Variants in MTRF1 observed in about 807,000 individuals in gnomAD.
The protein encoded by MTRF1 is mitochondrial translation release factor 1.
A neutral mutation model predicts 62.9 loss-of-function variants in MTRF1; 51 were observed. The ratio of observed to expected loss-of-function variants is 0.81; its 90% CI spans 0.65 to 1.02. The LOEUF is 1.02. Ranked by LOEUF, MTRF1 falls within the 50% of genes least tolerant of loss-of-function variation. MTRF1 has a pLI of 0.00. For synonymous variants in MTRF1, 158 were observed against 181.9 expected (o/e 0.87, Z 1.06); for missense variants, 446 against 530.0 (o/e 0.84, Z 1.56).
chr13:41,248,771 C>A (rs1373884594), intron 5 of MTRF1, among the ~76,000 whole-genome samples: 1 of 152,184 alleles, frequency 6.6e-6, no homozygotes, highest in African/African-American at 2.4e-5. Context: ...TATAAACATT[C>A]ATCAGTCGAG....
chr13:41,260,898 GA>G lies in MTRF1; in HGVS notation c.9del (p.His4ThrfsTer50). The stretch of plus-strand genomic sequence containing the variant: ...TGTCTAAAAAGCCAAACACACAGGT[GA>G]CGATTCATCTCAGCATCTGAAATAC... MN[R>X]HLCVWLFRHP... On this transcript the variant is annotated frameshift_variant, in exon 2 of 10. Transcript: ENST00000379480. LOFTEE classifies it high-confidence loss of function. 1 of 1,600,782 alleles carries G rather than the reference GA, an allele frequency of 6.2e-7. No homozygotes were observed. The highest frequency in any genetic ancestry group is 8.5e-7 in the Non-Finnish European group (1 of 1,171,524).
the MTRF1 span, among the ~76,000 whole-genome samples, chr13:41,306,108 C>T: frequency 6.6e-6 from 1 of 152,120 alleles, no homozygotes; most frequent in South Asian, 2.1e-4. Flanking sequence ...GCCGGCTGGG[C>T]GCGGTGGCTC....
chr13:41,240,913 A>C (rs2138961870), intron 5 of MTRF1, among the ~76,000 whole-genome samples: 1 of 152,316 alleles, frequency 6.6e-6, no homozygotes, highest in East Asian at 1.9e-4. Context: ...GCTCAATAGG[A>C]GAATAATTTC....
intron 2 of MTRF1, among the ~76,000 whole-genome samples, chr13:41,259,658 C>T (rs1250054433): frequency 1.7e-4 from 24 of 138,286 alleles, no homozygotes; most frequent in South Asian, 4.6e-4. Flanking sequence ...GCCGAGATCC[C>T]GCCACTGCAC....
chr13:41,254,515 C>T lies in MTRF1; in HGVS notation c.507+14G>A. Reference sequence around the variant, plus strand: ...TACAGCACTATTGAAACTAGTCGACCTCTGAAAACCTACCTCATTGTACAA... The same window carrying T: ...TACAGCACTATTGAAACTAGTCGACTTCTGAAAACCTACCTCATTGTACAA... On this transcript the variant is annotated intron_variant, in intron 3 of 9. Transcript: ENST00000379480. The T allele has an allele frequency of 6.2e-7, 1 of 1,603,242 alleles. No individual in the cohort carries two copies. The highest frequency in any genetic ancestry group is 1.3e-5 in the African/African-American group (1 of 74,782).
chr13:41,291,116 A>C, the MTRF1 span, among the ~76,000 whole-genome samples: 6 of 151,836 alleles, frequency 4.0e-5, 1 homozygote. Flanking sequence ...AAACAGAAAA[A>C]AGAAATTTTG....
chr13:41,267,249 A>G (rs1277643269), upstream of MTRF1, among the ~76,000 whole-genome samples: 1 of 152,072 alleles, frequency 6.6e-6, no homozygotes, highest in Admixed American at 6.5e-5. Flanking sequence ...CTTGTGGTAT[A>G]TAATGTGTCC....
upstream of MTRF1, among the ~76,000 whole-genome samples, chr13:41,263,734 T>C (rs1016502545): frequency 1.3e-5 from 2 of 151,624 alleles, no homozygotes; most frequent in Non-Finnish European, 2.9e-5. Context: ...GAGAATGAAA[T>C]TGTCATCAGA....
the MTRF1 span, among the ~76,000 whole-genome samples, chr13:41,284,976 T>TTAAAATA: frequency 2.0e-5 from 3 of 152,294 alleles, no homozygotes; most frequent in African/African-American, 7.2e-5. Flanking sequence ...TTAAGTTTAC[T>TTAAAATA]CCCCTTGAGG....
the MTRF1 span, among the ~76,000 whole-genome samples, chr13:41,295,988 T>C: frequency 1.3e-5 from 2 of 152,118 alleles, no homozygotes; most frequent in Non-Finnish European, 2.9e-5. Context: ...TCTTGCTCTG[T>C]TGCCCAAACT....
In MTRF1 at chr13:41,232,547, C is replaced by T. The variant is rs565439969; in HGVS notation, c.988+1343G>A. 2.0e-5 allele frequency among the ~76,000 whole-genome samples: 3 copies of T among 152,204 alleles called. No homozygotes were observed. In the East Asian group the frequency reaches 5.8e-4, roughly 29 times the overall value. On this transcript the variant is annotated intron_variant, in intron 7 of 9. Coordinates refer to ENST00000379480, the MANE Select transcript of MTRF1 (RefSeq NM_004294.4). ...GGGGAAATTATTTCCATGAAATGAT[C>T]GATGAAGTGTGAAGTTAGAATAAAG... is the stretch of plus-strand genomic sequence containing the variant.
chr13:41,271,183 T>C, the MTRF1 span, among the ~76,000 whole-genome samples: 2 of 152,208 alleles, frequency 1.3e-5, no homozygotes, highest in East Asian at 3.8e-4. Context: ...ACAGTGGTTT[T>C]TATTTTAATA....
At chr13:41,269,837 A>T in the MTRF1 span, among the ~76,000 whole-genome samples, 3 of 152,044 alleles carry the variant, frequency 2.0e-5, no homozygotes, top group Non-Finnish European at 2.9e-5. Context: ...GACCTAACTG[A>T]CTCCATCTTG....
the MTRF1 span, among the ~76,000 whole-genome samples, chr13:41,306,261 G>A: frequency 6.6e-6 from 1 of 152,084 alleles, no homozygotes; most frequent in African/African-American, 2.4e-5. Context: ...GCGGGCGCCT[G>A]TAGTCCCAGC....
At chr13:41,261,726 G>A in intron 1 of MTRF1, 1 of 868,930 alleles carries the variant, frequency 1.2e-6, no homozygotes. Context: ...GATGGAGACA[G>A]AGCTGGTATT....
At chr13:41,278,937 C>T in the MTRF1 span, among the ~76,000 whole-genome samples, 1 of 152,130 alleles carries the variant, frequency 6.6e-6, no homozygotes, top group East Asian at 1.9e-4. Context: ...ACCCTCCTTC[C>T]CTTCCTCCTT....
the MTRF1 span, among the ~76,000 whole-genome samples, chr13:41,301,506 G>A: frequency 6.6e-6 from 1 of 152,130 alleles, no homozygotes; most frequent in South Asian, 2.1e-4. Flanking sequence ...TCAGCACTTC[G>A]GGAGGCTGAG....
the MTRF1 span, among the ~76,000 whole-genome samples, chr13:41,306,575 A>G: frequency 2.0e-4 from 30 of 152,316 alleles, no homozygotes; most frequent in African/African-American, 7.2e-4. Context: ...TCTGGAAGAC[A>G]TGCACGTATA....
chr13:41,231,132 A>G (rs1302305793), intron 7 of MTRF1, among the ~76,000 whole-genome samples: 13 of 152,250 alleles, frequency 8.5e-5, no homozygotes, highest in Non-Finnish European at 7.3e-5. Context: ...AACATGATCT[A>G]TTAAAGACAG....
Sources: allele counts gnomAD v4.1 joint callset (sites outside exome capture counted in the v4.1 genomes callset), GRCh38; gene constraint gnomAD v4.1.1; transcripts MANE v1.5; gene names NCBI Gene and HGNC (gene_info 2026-07-23, HGNC 2026-07-21).